Variants in CSMD1 observed in about 807,000 individuals in gnomAD.
CSMD1 encodes the protein CUB and sushi domain-containing protein 1.
In CSMD1, 213 loss-of-function variants were observed where a neutral mutation model predicts 417.5. The observed-to-expected ratio is 0.51, with a 90% CI of 0.46 to 0.57. CSMD1 has a LOEUF of 0.57. Among genes scored for constraint, CSMD1 ranks in the 20% least tolerant of loss-of-function variants. The pLI, the probability that CSMD1 is intolerant of heterozygous loss-of-function variation, is 0.00. For synonymous variants in CSMD1, 2,862 were observed against 1,736.8 expected, an observed-to-expected ratio of 1.65 and a Z score of -16.11; for missense variants, 6,923 against 4,529.7, an observed-to-expected ratio of 1.53 and a Z score of -15.17.
chr8:3,027,185 G>T (rs896104299), intron 51 of CSMD1, among the ~76,000 whole-genome samples: 2 of 151,842 alleles, frequency 1.3e-5, no homozygotes, highest in Non-Finnish European at 2.9e-5. Flanking sequence ...AGGCCTTTTG[G>T]GGGGAAAAAA....
chr8:4,472,266 C>A (rs1800578088), intron 2 of CSMD1, among the ~76,000 whole-genome samples: 1 of 152,110 alleles, frequency 6.6e-6, no homozygotes, highest in Non-Finnish European at 1.5e-5. Context: ...GCCTCAGATG[C>A]AGTCTCTTCT....
At chr8:4,386,160 C>G (rs891844394) in intron 3 of CSMD1, among the ~76,000 whole-genome samples, 2 of 152,080 alleles carry the variant, frequency 1.3e-5, no homozygotes, top group African/African-American at 4.8e-5. Context: ...ACTTCCATCC[C>G]ACTCAAACAA....
chr8:4,449,889 C>G (rs558201410), intron 2 of CSMD1, among the ~76,000 whole-genome samples: 2 of 152,246 alleles, frequency 1.3e-5, no homozygotes, highest in South Asian at 2.1e-4. Flanking sequence ...ATCTCAACCT[C>G]CATAACATAT....
At chr8:3,517,300 A>G (rs1797322126) in intron 10 of CSMD1, among the ~76,000 whole-genome samples, 1 of 152,216 alleles carries the variant, frequency 6.6e-6, no homozygotes, top group Non-Finnish European at 1.5e-5. Context: ...GATGGAAAGA[A>G]GAGGGCTGGC....
intron 1 of CSMD1, among the ~76,000 whole-genome samples, chr8:4,764,901 C>CAAAAAA (rs1365454098): frequency 1.5e-4 from 2 of 13,160 alleles, no homozygotes; most frequent in African/African-American, 4.7e-4. Flanking sequence ...AAAACAACAA[C>CAAAAAA]AACAAAAAAA....
chr8:4,131,655 C>G (rs560498439), intron 3 of CSMD1, among the ~76,000 whole-genome samples: 2 of 150,280 alleles, frequency 1.3e-5, no homozygotes, highest in African/African-American at 4.9e-5. Context: ...GTAAATAAAA[C>G]TTAAAATGTT....
chr8:4,634,153 G>T (rs559836378), intron 2 of CSMD1, among the ~76,000 whole-genome samples: 3 of 151,930 alleles, frequency 2.0e-5, no homozygotes, highest in Non-Finnish European at 2.9e-5. Flanking sequence ...TTAGTTTATT[G>T]ATGGGTGCCC....
chr8:4,602,856 T>C (rs1006401569), intron 2 of CSMD1, among the ~76,000 whole-genome samples: 2 of 151,918 alleles, frequency 1.3e-5, no homozygotes, highest in African/African-American at 2.4e-5. Flanking sequence ...TAAAAAGAAA[T>C]CTTTTATTAT....
rs79043009 is a variant in CSMD1 at position 3,624,278 on chromosome 8, C to T, written c.1010-7481G>A. ...AAACCATCTGTTAGCAAATTTCCTT[C>T]AGCTAAGAGGAAAGAGAAAGACTTT... On this transcript the variant is annotated intron_variant, in intron 7 of 69. Coordinates refer to ENST00000635120, the MANE Select transcript of CSMD1 (RefSeq NM_033225.6). Among the ~76,000 whole-genome samples the T allele has an allele frequency of 9.5e-3, 1,441 of 152,242 alleles. 32 individuals are homozygous for T. Among genetic ancestry groups the T allele is most frequent in the African/African-American group, 0.033 (1,384 of 41,554 alleles).
chr8:3,307,523 G>T (rs1804968854), intron 25 of CSMD1, among the ~76,000 whole-genome samples, 172 bp downstream of exon 25: 1 of 152,172 alleles, frequency 6.6e-6, no homozygotes, highest in Non-Finnish European at 1.5e-5. Context: ...ATGGTTTCAA[G>T]GCAACAGCAA....
intron 10 of CSMD1, among the ~76,000 whole-genome samples, chr8:3,506,866 G>A (rs951371982): frequency 6.6e-6 from 1 of 152,174 alleles, no homozygotes; most frequent in Non-Finnish European, 1.5e-5. Context: ...AAATATAAAA[G>A]TGTAATGACA....
intron 12 of CSMD1, among the ~76,000 whole-genome samples, chr8:3,410,130 T>A (rs559991660): frequency 6.6e-6 from 1 of 152,346 alleles, no homozygotes; most frequent in African/African-American, 2.4e-5. Flanking sequence ...ATATTCAGAA[T>A]CAATCTTTCA....
At chr8:4,768,248 C>T (rs1008322060) in intron 1 of CSMD1, among the ~76,000 whole-genome samples, 2 of 152,080 alleles carry the variant, frequency 1.3e-5, no homozygotes, top group African/African-American at 4.8e-5. Context: ...GTGGGCTCCT[C>T]CTTCATGTCA....
intron 49 of CSMD1, among the ~76,000 whole-genome samples, chr8:3,059,238 G>A (rs535058017): frequency 5.2e-5 from 7 of 134,866 alleles, no homozygotes; most frequent in African/African-American, 1.9e-4. Context: ...ATAAGAAGCA[G>A]GCACCCCAGA....
At chr8:3,141,860 C>T (rs773141261) in intron 41 of CSMD1, among the ~76,000 whole-genome samples, 5 of 150,172 alleles carry the variant, frequency 3.3e-5, no homozygotes, top group African/African-American at 7.3e-5. Context: ...TGCAGTGGCG[C>T]GATCTCTCCT....
intron 7 of CSMD1, among the ~76,000 whole-genome samples, chr8:3,692,145 G>C (rs57376617): frequency 1.0e-3 from 156 of 152,266 alleles, no homozygotes; most frequent in East Asian, 9.7e-3. Context: ...TCCTATCCCA[G>C]CCGCTAATGA....
chr8:4,823,140 T>G (rs1057436927), intron 1 of CSMD1, among the ~76,000 whole-genome samples: 1 of 152,062 alleles, frequency 6.6e-6, no homozygotes, highest in South Asian at 2.1e-4. Flanking sequence ...ACTGGATGCT[T>G]TATGCAGCAA....
intron 3 of CSMD1, among the ~76,000 whole-genome samples, chr8:4,271,907 C>T (rs540996783): frequency 2.6e-5 from 4 of 152,186 alleles, no homozygotes; most frequent in South Asian, 2.1e-4. Flanking sequence ...GGGATTGGTT[C>T]GAGGATCCCC....
At chr8:4,186,696 A>AT (rs1050411430) in intron 3 of CSMD1, among the ~76,000 whole-genome samples, 2 of 151,940 alleles carry the variant, frequency 1.3e-5, no homozygotes, top group East Asian at 1.9e-4. Context: ...AAGACTAAAT[A>AT]TTTTTTTCAG....
Sources: gnomAD v4.1 joint callset for allele counts (sites outside exome capture counted in the v4.1 genomes callset) on GRCh38, gnomAD v4.1.1 for gene constraint, MANE v1.5 for transcripts, NCBI Gene and HGNC (gene_info 2026-07-23, HGNC 2026-07-21) for gene names.